CDH18: variants seen among roughly 807,000 people sequenced by gnomAD.
CDH18 encodes cadherin-18.
In CDH18, 31 loss-of-function variants were observed where a neutral mutation model predicts 67.9. The ratio of observed to expected loss-of-function variants is 0.46; its 90% confidence interval spans 0.34 to 0.62. The LOEUF (loss-of-function observed/expected upper bound fraction) is 0.62, where lower values mean the gene tolerates loss of function less well. Among genes scored for constraint, CDH18 ranks in the 20% least tolerant of loss-of-function variants. The pLI is 0.01. For synonymous variants in CDH18, 362 were observed against 347.2 expected (o/e 1.04, Z -0.48); for missense variants, 890 against 975.5 (o/e 0.91, Z 1.17).
chr5:20,435,070 T>A (rs894482387), intron 1 of CDH18, among the ~76,000 whole-genome samples: 4 of 152,094 alleles, frequency 2.6e-5, no homozygotes, highest in African/African-American at 9.7e-5. Context: ...GTATGCAACC[T>A]AGTATATAGC....
chr5:20,351,098 C>G (rs1382053378), intron 1 of CDH18, among the ~76,000 whole-genome samples: 2 of 151,652 alleles, frequency 1.3e-5, no homozygotes, highest in Admixed American at 6.6e-5. Flanking sequence ...CAATCAATTC[C>G]TTTTACCATG....
intron 12 of CDH18, among the ~76,000 whole-genome samples, chr5:19,475,044 T>C (rs1397586763): frequency 7.9e-5 from 12 of 152,210 alleles, no homozygotes; most frequent in Non-Finnish European, 1.5e-4. Context: ...TTTATGATGG[T>C]GATAATGATG....
chr5:19,936,752 C>T lies in CDH18; in HGVS notation c.-257+44308G>A, dbSNP rs189328059. On this transcript the variant is annotated intron_variant, in intron 2 of 12. Coordinates refer to ENST00000382275, the MANE Select transcript of CDH18 (RefSeq NM_004934.5). ...TAGCCCTAAACTTATCTTTAGAACA[C>T]TCTCCTCTTAAAATATATGTCCAAT... 2.1e-3 allele frequency among the ~76,000 whole-genome samples: 310 copies of T among 151,022 alleles called. 2 individuals are homozygous for T. The highest frequency in any genetic ancestry group is 7.0e-3 in the African/African-American group (290 of 41,434).
At chr5:20,536,679 G>T (rs1366499) in intron 1 of CDH18, among the ~76,000 whole-genome samples, 11 of 151,968 alleles carry the variant, frequency 7.2e-5, no homozygotes, top group Non-Finnish European at 1.5e-4. Context: ...TTCAGAAAAG[G>T]CTTTCAACTT....
intron 3 of CDH18, among the ~76,000 whole-genome samples, chr5:19,775,494 C>A (rs1187769142): frequency 7.2e-5 from 11 of 151,888 alleles, no homozygotes. Flanking sequence ...GAAGGTGAGG[C>A]AGGAGCAGAC....
At chr5:19,714,534 T>G (rs1933196802) in intron 5 of CDH18, among the ~76,000 whole-genome samples, 1 of 151,286 alleles carries the variant, frequency 6.6e-6, no homozygotes, top group Non-Finnish European at 1.5e-5. Flanking sequence ...TTTCAGTAAA[T>G]GGAACCTATT....
intron 1 of CDH18, among the ~76,000 whole-genome samples, chr5:20,521,896 C>T (rs1012086079): frequency 6.6e-6 from 1 of 151,908 alleles, no homozygotes; most frequent in Non-Finnish European, 1.5e-5. Flanking sequence ...TGAAAAAAAA[C>T]CCTCTTCGAA....
At chr5:20,279,560 A>ATGG (rs936361597) in intron 1 of CDH18, among the ~76,000 whole-genome samples, 50 of 151,762 alleles carry the variant, frequency 3.3e-4, no homozygotes, top group African/African-American at 1.1e-3. Flanking sequence ...TTAGCTGGGC[A>ATGG]TGGTGGTGGT....
chr5:20,537,460 A>G (rs1756794295), intron 1 of CDH18, among the ~76,000 whole-genome samples: 1 of 152,188 alleles, frequency 6.6e-6, no homozygotes, highest in Non-Finnish European at 1.5e-5. Context: ...TTAAAAATAC[A>G]TTGTACTATC....
At chr5:19,518,655 G>C (rs1486632799) in intron 10 of CDH18, among the ~76,000 whole-genome samples, 2 of 152,088 alleles carry the variant, frequency 1.3e-5, no homozygotes, top group Non-Finnish European at 2.9e-5. Context: ...TTCAGATTTG[G>C]ATTCTTGGAC....
intron 9 of CDH18, among the ~76,000 whole-genome samples, chr5:19,535,418 T>A (rs566615887): frequency 6.6e-6 from 1 of 152,256 alleles, no homozygotes; most frequent in East Asian, 1.9e-4. Flanking sequence ...ATAAGCACAT[T>A]GATAATAATA....
At chr5:19,801,674 A>G (rs1017379344) in intron 3 of CDH18, among the ~76,000 whole-genome samples, 1 of 152,230 alleles carries the variant, frequency 6.6e-6, no homozygotes, top group South Asian at 2.1e-4. Context: ...TGTTTTTAAT[A>G]TATCAGCCCA....
At chr5:19,705,496 G>A (rs986646190) in intron 5 of CDH18, among the ~76,000 whole-genome samples, 1 of 152,078 alleles carries the variant, frequency 6.6e-6, no homozygotes, top group Non-Finnish European at 1.5e-5. Flanking sequence ...AATTAACAAA[G>A]GAGGCTGAGA....
intron 2 of CDH18, among the ~76,000 whole-genome samples, chr5:20,102,215 A>AGTGTGTGTGTGTGT (rs56036253): frequency 2.7e-5 from 4 of 148,780 alleles, no homozygotes; most frequent in Non-Finnish European, 6.0e-5. Flanking sequence ...TGTTATGTGC[A>AGTGTGTGTGTGTGT]GTGTGTGTGT....
intron 1 of CDH18, among the ~76,000 whole-genome samples, chr5:20,260,965 A>G (rs1055389057): frequency 2.0e-5 from 3 of 152,184 alleles, no homozygotes; most frequent in African/African-American, 7.2e-5. Context: ...TAGCCTTGTG[A>G]TAGCCAGGTA....
intron 1 of CDH18, among the ~76,000 whole-genome samples, chr5:20,309,425 T>C (rs1736792265): frequency 1.3e-5 from 2 of 152,184 alleles, no homozygotes; most frequent in South Asian, 4.1e-4. Flanking sequence ...TTGGTCCTCT[T>C]GGTACTAACA....
intron 6 of CDH18, among the ~76,000 whole-genome samples, chr5:19,603,182 C>T (rs2150073105): frequency 6.6e-6 from 1 of 152,144 alleles, no homozygotes; most frequent in South Asian, 2.1e-4. Flanking sequence ...ATTATCATTA[C>T]AAAATAAGTT....
intron 1 of CDH18, among the ~76,000 whole-genome samples, chr5:20,493,982 G>A (rs1322660602): frequency 4.0e-5 from 6 of 150,982 alleles, no homozygotes; most frequent in Admixed American, 6.6e-5. Flanking sequence ...AGTGGCTCAC[G>A]CCTGTAATCC....
At chr5:20,304,436 T>G (rs1489462920) in intron 1 of CDH18, 1 of 1,497,368 alleles carries the variant, frequency 6.7e-7, no homozygotes, top group Non-Finnish European at 9.3e-7. Context: ...ATGATTCTCT[T>G]CTTCATCTCC....
Sources: allele counts gnomAD v4.1 joint callset (sites outside exome capture counted in the v4.1 genomes callset), GRCh38; gene constraint gnomAD v4.1.1; transcripts MANE v1.5; gene names NCBI Gene and HGNC (gene_info 2026-07-23, HGNC 2026-07-21).